CCDC24: variants seen among roughly 807,000 people sequenced by gnomAD.
CCDC24 encodes the protein coiled-coil domain containing 24.
In CCDC24, 34 loss-of-function variants were observed where a neutral mutation model predicts 31.6. That is an observed-to-expected ratio of 1.08 (90% confidence interval 0.82 to 1.43). CCDC24 has a LOEUF of 1.43. Ranked by LOEUF, CCDC24 falls within the 40% of genes most tolerant of loss-of-function variation. The pLI, the probability that CCDC24 is intolerant of heterozygous loss-of-function variation, is 0.00. For missense variants in CCDC24, 426 were observed against 391.1 expected (o/e 1.09, Z -0.75); for synonymous variants, 175 against 157.3 (o/e 1.11, Z -0.84).
In CCDC24 at chr1:43,995,354, T is replaced by G. The variant is rs939211607; in HGVS notation, c.552+192T>G. 1.4e-6 allele frequency: 1 copy of G among 738,850 alleles called. No homozygotes were observed. Among genetic ancestry groups the G allele is most frequent in the Non-Finnish European group, 2.2e-6 (1 of 455,798 alleles). The allele number at this position is 738,850 out of a possible 1,614,324, so 45.8% of individuals were successfully genotyped here. ...AGGCCCAGGATTCTAGTTGAGCCCT[T>G]AAGGCCAGGGCCAACCGTTTTAGGT... On this transcript the variant is annotated intron_variant, in intron 6 of 8. Coordinates refer to ENST00000372318, the MANE Select transcript of CCDC24 (RefSeq NM_152499.4). This position sits in a 1 kb window ranked among gnomAD's most constrained non-coding sequence, Gnocchi z 4.3.
At position 43,992,635 on chromosome 1, in the gene CCDC24, C is replaced by T. The variant is rs776834078; in HGVS notation, c.415C>T (p.Pro139Ser). 3.3e-5 allele frequency: 53 copies of T among 1,613,804 alleles called. No individual in the cohort carries two copies. The highest frequency in any genetic ancestry group is 4.4e-5 in the Non-Finnish European group (52 of 1,179,834). Residue 139 changes from proline to serine, a missense_variant, in exon 4 of 9, where the codon CCC (proline) becomes TCC (serine). Physicochemically the swap from Pro to Ser is moderately conservative, Grantham distance 74. Transcript: ENST00000372318. ...GATATTCCAGATGAGAGGTGGTGGG[C>T]CCAGGTAAGGTGATGGTAGGAGAGA... Reference protein sequence around the residue: ...QEIFQMRGGGPSSGHRDLSII... With the variant: ...QEIFQMRGGGSSSGHRDLSII...
chr1:43,993,646 CA>C (rs57838666), intron 4 of CCDC24, among the ~76,000 whole-genome samples: 3,953 of 62,462 alleles, frequency 0.063, 116 homozygotes, highest in African/African-American at 0.17. Flanking sequence ...AATCTTGTCT[CA>C]AAAAAAAAAA....
chr1:43,992,783 C>T (rs1408147222), intron 4 of CCDC24, 144 bp downstream of exon 4: 7 of 750,828 alleles, frequency 9.3e-6, no homozygotes, highest in African/African-American at 1.7e-5. Flanking sequence ...ATTATCAGCC[C>T]ATGAGGGCTA....
Position 43,993,869 on chromosome 1 carries a change from TAGTGACTTCA to T in CCDC24, c.420-17_420-8del. ...GGGGTGAGCAACATGCGGAGAGTGATAGTGACTTCATTGCCAGCAGCGGTCACAGAGATCT... is the reference window on the plus strand; with the variant it reads ...GGGGTGAGCAACATGCGGAGAGTGATTTGCCAGCAGCGGTCACAGAGATCT... On this transcript the variant is annotated splice_polypyrimidine_tract_variant and splice_region_variant and intron_variant, in intron 4 of 8. Transcript: ENST00000372318. The T allele has an allele frequency of 6.2e-7, 1 of 1,613,330 alleles. No homozygotes were observed. The highest frequency in any genetic ancestry group is 1.7e-5 in the Admixed American group (1 of 60,016).
chr1:43,995,677 A>G lies in CCDC24; in HGVS notation c.622+7A>G. ...CTGGAGCCCACCCTGGCAGGTGAGGACACGGAGCAGGGCCCAGAACACCCA... is the reference window on the plus strand; with the variant it reads ...CTGGAGCCCACCCTGGCAGGTGAGGGCACGGAGCAGGGCCCAGAACACCCA... On this transcript the variant is annotated splice_region_variant and intron_variant, in intron 7 of 8. Coordinates refer to ENST00000372318, the MANE Select transcript of CCDC24 (RefSeq NM_152499.4). The surrounding 1 kb of genome is among the most constrained non-coding windows in gnomAD (Gnocchi z 4.3). 1 of 1,613,690 alleles carries G rather than the reference A, an allele frequency of 6.2e-7. No individual in the cohort carries two copies. The highest frequency in any genetic ancestry group is 8.5e-7 in the Non-Finnish European group (1 of 1,179,780).
chr1:43,992,656 A>C lies in CCDC24; in HGVS notation c.419+17A>C. 6.2e-7 allele frequency: 1 copy of C among 1,611,274 alleles called. No homozygotes were observed. Among genetic ancestry groups the C allele is most frequent in the Non-Finnish European group, 8.5e-7 (1 of 1,177,470 alleles). ...TGGGCCCAGGTAAGGTGATGGTAGGAGAGAGGGATCTGTCCCTGCTTGGCA... is the reference window on the plus strand; with the variant it reads ...TGGGCCCAGGTAAGGTGATGGTAGGCGAGAGGGATCTGTCCCTGCTTGGCA... On this transcript the variant is annotated intron_variant, in intron 4 of 8. Coordinates refer to ENST00000372318, the MANE Select transcript of CCDC24 (RefSeq NM_152499.4).
Position 43,995,301 on chromosome 1 carries a change from A to G in CCDC24, c.552+139A>G. On this transcript the variant is annotated intron_variant, in intron 6 of 8. Transcript: ENST00000372318. The surrounding 1 kb of genome is among the most constrained non-coding windows in gnomAD (Gnocchi z 4.3). ...TCCTGCATCCATTTCTCAGGGGTGC[A>G]TGCTTGTGTGCACCTGCAAAATCCT... is the stretch of plus-strand genomic sequence containing the variant. 1 of 945,776 alleles carries G rather than the reference A, an allele frequency of 1.1e-6. No individual in the cohort carries two copies. The highest frequency in any genetic ancestry group is 1.6e-6 in the Non-Finnish European group (1 of 627,416). The allele number at this position is 945,776 out of a possible 1,614,324, so 58.6% of individuals were successfully genotyped here. A position where few individuals can be genotyped will look rare whatever the true frequency, so the allele number is the denominator to read the frequency against.
rs1441884591 is a variant in CCDC24, at chr1:43,995,998, T to C, written c.762T>C (p.Val254=). 4 of 1,614,054 alleles carry C rather than the reference T, an allele frequency of 2.5e-6. No homozygotes were observed. Among genetic ancestry groups the C allele is most frequent in the African/African-American group, 2.7e-5 (2 of 74,948 alleles). Residue 254 remains valine, a synonymous_variant, in exon 9 of 9, where the codon GTT becomes GTC. Coordinates refer to ENST00000372318, the MANE Select transcript of CCDC24 (RefSeq NM_152499.4). The surrounding 1 kb of genome is among the most constrained non-coding windows in gnomAD (Gnocchi z 4.3). The part of the protein sequence containing the change: ...GLRPPLPLCG[V]APLQCCLPAP... ...GACCCCCGCTTCCCCTCTGCGGGGT[T>C]GCACCTCTCCAGTGCTGCCTGCCTG...
intron 4 of CCDC24, among the ~76,000 whole-genome samples, chr1:43,993,631 A>C (rs1296062077): frequency 6.7e-6 from 1 of 149,844 alleles, no homozygotes; most frequent in Admixed American, 6.7e-5. Context: ...TGGGCAACAG[A>C]GCACAATCTT....
Position 43,995,139 on chromosome 1 carries a change from G to C in CCDC24, c.529G>C (p.Glu177Gln). The change falls in exon 6 of 9, where the codon GAG becomes CAG. Residue 177 changes from glutamate (E) to glutamine (Q), a missense_variant. Physicochemically the swap from Glu to Gln is conservative, Grantham distance 29 (BLOSUM62 2). Coordinates refer to ENST00000372318, the MANE Select transcript of CCDC24 (RefSeq NM_152499.4). The surrounding 1 kb of genome is among the most constrained non-coding windows in gnomAD (Gnocchi z 4.3). ...TCTGGAGGAGGAGTGTCACACCTTG[G>C]AGAGGGAGATCCTCATCCTGCAGGT... ...GLLEEECHTL[E>Q]REILILQRCL... 2 of 1,581,446 alleles carry C rather than the reference G, an allele frequency of 1.3e-6. No individual in the cohort carries two copies. Among genetic ancestry groups the C allele is most frequent in the Non-Finnish European group, 1.7e-6 (2 of 1,164,408 alleles).
rs752225865 is a variant in CCDC24 at position 43,991,720 on chromosome 1, G to C, written c.-59G>C. 1.0e-6 allele frequency: 1 copy of C among 989,156 alleles called. No homozygotes were observed. Among genetic ancestry groups the C allele is most frequent in the South Asian group, 1.4e-5 (1 of 73,298 alleles). The allele number at this position is 989,156 out of a possible 1,614,324, so 61.3% of individuals were successfully genotyped here. ...GGCAGTTCCGGAACGGGCAATCCCA[G>C]CCGAGGGGACCAGCGGCAGAGCACG... On this transcript the variant is annotated 5_prime_UTR_variant, in exon 1 of 9. Transcript: ENST00000372318.
At chr1:43,992,819 T>C (rs2085770993) in intron 4 of CCDC24, among the ~76,000 whole-genome samples, 180 bp downstream of exon 4, 1 of 152,228 alleles carries the variant, frequency 6.6e-6, no homozygotes, top group Non-Finnish European at 1.5e-5. Context: ...AACACCTGCC[T>C]AGCCTGGGGA....
chr1:43,995,900 C>G lies in CCDC24; in HGVS notation c.702-38C>G. ...CACAGGGCAGGGTGGACTGAAGGATCAGACCACCACCCCTCACAGTTACTC... is the reference window on the plus strand; with the variant it reads ...CACAGGGCAGGGTGGACTGAAGGATGAGACCACCACCCCTCACAGTTACTC... On this transcript the variant is annotated intron_variant, in intron 8 of 8. Coordinates refer to ENST00000372318, the MANE Select transcript of CCDC24 (RefSeq NM_152499.4). The surrounding 1 kb of genome is among the most constrained non-coding windows in gnomAD (Gnocchi z 4.3). 2 of 1,613,828 alleles carry G rather than the reference C, an allele frequency of 1.2e-6. No individual in the cohort carries two copies. Among genetic ancestry groups the G allele is most frequent in the Non-Finnish European group, 1.7e-6 (2 of 1,179,708 alleles).
rs867200632 is a variant in CCDC24, at chr1:43,991,631, C to G, written c.-148C>G. The G allele has an allele frequency of 4.2e-6, 3 of 705,884 alleles. No individual in the cohort carries two copies. The highest frequency in any genetic ancestry group is 1.7e-5 in the African/African-American group (1 of 57,430). 43.7% of individuals were successfully genotyped at this position (705,884 alleles called of 1,614,324 possible). On this transcript the variant is annotated 5_prime_UTR_variant, in exon 1 of 9. Transcript: ENST00000372318. ...GGGCTAGGGCCCTGGTTCCCACTGC[C>G]TGGTTTCTGGGCCCCCGGCATCCGA...
chr1:43,996,024 C>T lies in CCDC24; in HGVS notation c.788C>T (p.Ala263Val). ...GCACCTCTCCAGTGCTGCCTGCCTGCACCTCCTCTGGAGCCCTACCTTCGA... is the reference window on the plus strand; with the variant it reads ...GCACCTCTCCAGTGCTGCCTGCCTGTACCTCCTCTGGAGCCCTACCTTCGA... ...GVAPLQCCLP[A>V]PPLEPYLRPR... The change falls in exon 9 of 9, where the codon GCA becomes GTA. Residue 263 changes from alanine (A) to valine (V), a missense_variant. By Grantham distance (64) the Ala-to-Val change is moderately conservative. Coordinates refer to ENST00000372318, the MANE Select transcript of CCDC24 (RefSeq NM_152499.4). The T allele has an allele frequency of 2.5e-6, 4 of 1,614,188 alleles. No homozygotes were observed. Among genetic ancestry groups the T allele is most frequent in the Non-Finnish European group, 1.7e-6 (2 of 1,180,040 alleles).
In CCDC24 at chr1:43,995,972, A is replaced by G; in HGVS notation, c.736A>G (p.Arg246Gly). 6.2e-7 allele frequency: 1 copy of G among 1,614,170 alleles called. No homozygotes were observed. Among genetic ancestry groups the G allele is most frequent in the South Asian group, 1.1e-5 (1 of 91,090 alleles). The change falls in exon 9 of 9, where the codon AGA becomes GGA. Residue 246 changes from arginine to glycine, a missense_variant. By Grantham distance (125) the Arg-to-Gly change is moderately radical. Transcript: ENST00000372318. This position sits in a 1 kb window ranked among gnomAD's most constrained non-coding sequence, Gnocchi z 4.3. Reference protein sequence around the residue: ...RPLGSSTQGLRPPLPLCGVAP... With the variant: ...RPLGSSTQGLGPPLPLCGVAP... ...CTTGGGGTCCTCCACACAGGGCCTCAGACCCCCGCTTCCCCTCTGCGGGGT... is the reference window on the plus strand; with the variant it reads ...CTTGGGGTCCTCCACACAGGGCCTCGGACCCCCGCTTCCCCTCTGCGGGGT...
chr1:43,992,175 C>T (rs1557656251), intron 2 of CCDC24, 37 bp from the exon 3 acceptor site: 2 of 1,586,998 alleles, frequency 1.3e-6, no homozygotes, highest in Middle Eastern at 1.7e-4. Context: ...CGGACACTCC[C>T]CTCCCCAGTC....
rs1259579213 is a variant in CCDC24 at position 43,991,932 on chromosome 1, C to T, written c.54C>T (p.Leu18=). 6 of 1,542,940 alleles carry T rather than the reference C, an allele frequency of 3.9e-6. No individual in the cohort carries two copies. The Admixed American group carries it at 5.9e-5, about 15-fold the overall frequency. Residue 18 remains leucine, a synonymous_variant, in exon 2 of 9, where the codon CTC becomes CTT. Coordinates refer to ENST00000372318, the MANE Select transcript of CCDC24 (RefSeq NM_152499.4). The part of the protein sequence containing the change: ...LWELVEEHVP[L]RERREVKRIL... ...AGCTGGTGGAGGAGCACGTTCCGCT[C>T]CGGGAGCGACGCGAAGTGAAGAGGA...
At chr1:43,994,442 C>CTTTCTTTCTTTCT (rs560870706) in intron 5 of CCDC24, 22 of 143,188 alleles carry the variant, frequency 1.5e-4, no homozygotes, top group South Asian at 6.2e-4. Flanking sequence ...TTCTTTCTTT[C>CTTTCTTTCTTTCT]TTTTTTTTTT....
Sources: allele counts gnomAD v4.1 joint callset (sites outside exome capture counted in the v4.1 genomes callset), GRCh38; gene constraint gnomAD v4.1.1; non-coding constraint Gnocchi (gnomAD v3.1); transcripts MANE v1.5; gene names NCBI Gene and HGNC (gene_info 2026-07-23, HGNC 2026-07-21).